Variants in ZNF462 observed in about 807,000 individuals in gnomAD.
ZNF462 encodes the protein zinc finger protein 462.
In ZNF462, 10 loss-of-function variants were observed where a neutral mutation model predicts 201.9. The ratio of observed to expected loss-of-function variants is 0.05; its 90% confidence interval spans 0.03 to 0.08. The LOEUF (loss-of-function observed/expected upper bound fraction) is 0.08. Ranked by LOEUF, ZNF462 falls within the 10% of genes least tolerant of loss-of-function variation. The probability of loss-of-function intolerance (pLI) is 1.00; values close to 1 mark genes in which losing one functional copy is unlikely to be tolerated. For missense variants in ZNF462, 2,523 were observed against 3,168.3 expected (o/e 0.80, Z 4.89); for synonymous variants, 1,227 against 1,193.3 (o/e 1.03, Z -0.58).
chr9:106,940,198 C>G (rs372890956), intron 7 of ZNF462, among the ~76,000 whole-genome samples: 1 of 152,172 alleles, frequency 6.6e-6, no homozygotes, highest in East Asian at 1.9e-4. Context: ...TGATTATCTT[C>G]AGAGATTAAT....
At chr9:106,861,021 T>C (rs1827051304), upstream of ZNF462, among the ~76,000 whole-genome samples, 1 of 151,952 alleles carries the variant, frequency 6.6e-6, no homozygotes, top group Non-Finnish European at 1.5e-5. Context: ...CTTACTTCTC[T>C]TCCCTCTCCT....
At chr9:106,907,669 A>T (rs1043691737) in intron 1 of ZNF462, among the ~76,000 whole-genome samples, 1 of 152,018 alleles carries the variant, frequency 6.6e-6, no homozygotes, top group Non-Finnish European at 1.5e-5. Context: ...GCATATTTTT[A>T]AAAAATAAAA....
At chr9:106,951,899 G>T (rs1007231968) in intron 7 of ZNF462, among the ~76,000 whole-genome samples, 3 of 151,262 alleles carry the variant, frequency 2.0e-5, no homozygotes, top group Admixed American at 2.0e-4. Context: ...GTGCTGTAGC[G>T]GCATCAAGTG....
chr9:106,996,658 G>T (rs188914443), intron 10 of ZNF462, among the ~76,000 whole-genome samples: 1 of 152,090 alleles, frequency 6.6e-6, no homozygotes, highest in Non-Finnish European at 1.5e-5. Context: ...TTTTGATGGG[G>T]TTGTTTGATT....
intron 4 of ZNF462, among the ~76,000 whole-genome samples, chr9:106,931,812 T>C (rs1215172912): frequency 1.3e-5 from 2 of 152,240 alleles, no homozygotes; most frequent in African/African-American, 2.4e-5. Context: ...GCGGGATCTT[T>C]TGCTTTGCTT....
rs566263774 is a variant in ZNF462 at position 106,993,124 on chromosome 9, C to T, written c.7056+8715C>T. Among the ~76,000 whole-genome samples the T allele has an allele frequency of 2.0e-5, 3 of 152,148 alleles. No individual in the cohort carries two copies. The highest frequency in any genetic ancestry group is 2.1e-4 in the South Asian group (1 of 4,812). On this transcript the variant is annotated intron_variant, in intron 10 of 12. Transcript: ENST00000277225. This position sits in a 1 kb window ranked among gnomAD's most constrained non-coding sequence, Gnocchi z 4.0. ...AATCTACAGAATAAACTATAAGACA[C>T]GTAGAATGTATTTTCAGTTAAAGGA...
At chr9:106,907,789 G>C (rs1327664487) in intron 1 of ZNF462, among the ~76,000 whole-genome samples, 1 of 151,326 alleles carries the variant, frequency 6.6e-6, no homozygotes, top group East Asian at 1.9e-4. Context: ...ATTTCCCCCT[G>C]TACTTGAGTT....
rs1278441660 is a variant in ZNF462, at chr9:106,905,859, C to A, written c.-30-17495C>A. ...AAAAAAGAGTTTTAGTTCTTCCACACCTGTGTAGTCTGCACGCCGGATTTA... is the reference window on the plus strand; with the variant it reads ...AAAAAAGAGTTTTAGTTCTTCCACAACTGTGTAGTCTGCACGCCGGATTTA... On this transcript the variant is annotated intron_variant, in intron 1 of 12. Coordinates refer to ENST00000277225, the MANE Select transcript of ZNF462 (RefSeq NM_021224.6). The surrounding 1 kb of genome is among the most constrained non-coding windows in gnomAD (Gnocchi z 5.9). 6.6e-6 allele frequency among the ~76,000 whole-genome samples: 1 copy of A among 152,216 alleles called. No homozygotes were observed. The highest frequency in any genetic ancestry group is 2.4e-5 in the African/African-American group (1 of 41,472).
chr9:106,952,464 C>G (rs1052340763), intron 7 of ZNF462, among the ~76,000 whole-genome samples: 1 of 152,142 alleles, frequency 6.6e-6, no homozygotes, highest in Admixed American at 6.5e-5. Context: ...TCACATCTAG[C>G]CTCAAGCTGA....
Position 106,865,462 on chromosome 9 carries a change from A to T in ZNF462, c.-31+2107A>T, listed in dbSNP as rs913218946. 1.3e-5 allele frequency among the ~76,000 whole-genome samples: 2 copies of T among 152,148 alleles called. No homozygotes were observed. Among genetic ancestry groups the T allele is most frequent in the African/African-American group, 4.8e-5 (2 of 41,440 alleles). On this transcript the variant is annotated intron_variant, in intron 1 of 12. Transcript: ENST00000277225. This position sits in a 1 kb window ranked among gnomAD's most constrained non-coding sequence, Gnocchi z 4.1. ...AGACTTTATTGTCTGATTTGAGTTG[A>T]TTTCTGCAAATATAAAAAATAATAA...
intron 7 of ZNF462, among the ~76,000 whole-genome samples, chr9:106,953,329 C>A (rs1033649219): frequency 2.6e-5 from 4 of 152,208 alleles, no homozygotes; most frequent in African/African-American, 9.6e-5. Context: ...GCTCCCCCTC[C>A]CTCTCTCTGG....
At chr9:106,894,320 G>A (rs1828718497) in intron 1 of ZNF462, among the ~76,000 whole-genome samples, 1 of 152,228 alleles carries the variant, frequency 6.6e-6, no homozygotes, top group Non-Finnish European at 1.5e-5. Flanking sequence ...CAGTTTGACA[G>A]TGTAGGTAGT....
In ZNF462 at chr9:106,870,131, G is replaced by A. The variant is rs1052964213; in HGVS notation, c.-31+6776G>A. On this transcript the variant is annotated intron_variant, in intron 1 of 12. Coordinates refer to ENST00000277225, the MANE Select transcript of ZNF462 (RefSeq NM_021224.6). This position sits in a 1 kb window ranked among gnomAD's most constrained non-coding sequence, Gnocchi z 4.3. Reference sequence around the variant, plus strand: ...CCAACACAAAGTTAATTATTTTCACGGCTTAGAAGGACAAAGGATAGAGTG... The same window carrying A: ...CCAACACAAAGTTAATTATTTTCACAGCTTAGAAGGACAAAGGATAGAGTG... Among the ~76,000 whole-genome samples, 7 of 152,094 alleles carry A rather than the reference G, an allele frequency of 4.6e-5. No homozygotes were observed. The highest frequency in any genetic ancestry group is 9.7e-5 in the African/African-American group (4 of 41,414).
chr9:106,879,423 A>G (rs1827993704), intron 1 of ZNF462, among the ~76,000 whole-genome samples: 1 of 143,390 alleles, frequency 7.0e-6, no homozygotes, highest in African/African-American at 2.6e-5. Flanking sequence ...GGTCCATGGC[A>G]AAACTTCAGC....
At position 107,006,331 on chromosome 9, in the gene ZNF462, C is replaced by T. The variant is rs1487885866; in HGVS notation, c.7189+2905C>T. On this transcript the variant is annotated intron_variant, in intron 11 of 12. Transcript: ENST00000277225. The surrounding 1 kb of genome is among the most constrained non-coding windows in gnomAD (Gnocchi z 4.3). ...AATAAGGACCCAGGAAATTTAAGAG[C>T]ATGTTCAAAGTAAAAAACAAAACAA... Among the ~76,000 whole-genome samples, 1 of 152,140 alleles carries T rather than the reference C, an allele frequency of 6.6e-6. No homozygotes were observed. The highest frequency in any genetic ancestry group is 1.9e-4 in the East Asian group (1 of 5,198).
chr9:106,961,028 T>G (rs1831812681), intron 7 of ZNF462, among the ~76,000 whole-genome samples: 2 of 152,062 alleles, frequency 1.3e-5, no homozygotes, highest in Admixed American at 1.3e-4. Context: ...CACCTGAAGG[T>G]AATCCATGAA....
At chr9:106,877,296 ATTTTTTTTTTTTTTT>A (rs397893311) in intron 1 of ZNF462, among the ~76,000 whole-genome samples, 1 of 91,218 alleles carries the variant, frequency 1.1e-5, no homozygotes, top group Non-Finnish European at 2.1e-5. Flanking sequence ...ACTACTCATG[ATTTTTTTTTTTTTTT>A]TTTTTTTTTT....
intron 10 of ZNF462, among the ~76,000 whole-genome samples, chr9:107,002,302 A>G (rs536852939): frequency 1.3e-5 from 2 of 152,220 alleles, no homozygotes; most frequent in East Asian, 3.9e-4. Context: ...ACCAGGTCTC[A>G]TTCATCTTGT....
At chr9:106,861,191 GGT>G (rs1827056455), upstream of ZNF462, among the ~76,000 whole-genome samples, 1 of 152,046 alleles carries the variant, frequency 6.6e-6, no homozygotes, top group African/African-American at 2.4e-5. Flanking sequence ...ACTGGAAGTG[GGT>G]GAAATCGTGC....
Sources: gnomAD v4.1 joint callset for allele counts (sites outside exome capture counted in the v4.1 genomes callset) on GRCh38, gnomAD v4.1.1 for gene constraint, Gnocchi (gnomAD v3.1) non-coding constraint, MANE v1.5 for transcripts, NCBI Gene and HGNC (gene_info 2026-07-23, HGNC 2026-07-21) for gene names.